The following TTLL5 variants were observed in gnomAD, a reference collection of about 807,000 sequenced individuals.
TTLL5 encodes the protein tubulin tyrosine ligase like 5.
In TTLL5, 132 loss-of-function variants were observed where a neutral mutation model predicts 168.4. The ratio of observed to expected loss-of-function variants is 0.78; its 90% CI spans 0.68 to 0.91. TTLL5 has a LOEUF of 0.91. TTLL5 is among the 40% of genes least tolerant of loss of function. TTLL5 has a pLI of 0.00. For missense variants in TTLL5, 1,545 were observed against 1,581.5 expected (o/e 0.98, Z 0.39); for synonymous variants, 546 against 558.6 (o/e 0.98, Z 0.32).
chr14:75,717,901 C>G lies in TTLL5; in HGVS notation c.781C>G (p.Arg261Gly). ...VRYDQGAKNI[R>G]NQFMHLTNYS... ...ATATGATCAAGGAGCCAAGAACATT[C>G]GGAACCAGTTCATGCATCTGACAAA... Residue 261 changes from arginine (R) to glycine (G), a missense_variant, in exon 10 of 32, where the codon CGG becomes GGG. Coordinates refer to ENST00000298832, the MANE Select transcript of TTLL5 (RefSeq NM_015072.5). The G allele has an allele frequency of 6.2e-7, 1 of 1,613,792 alleles. No homozygotes were observed. The highest frequency in any genetic ancestry group is 8.5e-7 in the Non-Finnish European group (1 of 1,179,890).
intron 20 of TTLL5, among the ~76,000 whole-genome samples, chr14:75,771,269 A>G (rs1013255837): frequency 6.6e-6 from 1 of 152,200 alleles, no homozygotes; most frequent in African/African-American, 2.4e-5. Flanking sequence ...TCTACTAAAA[A>G]TACAAAAATT....
intron 31 of TTLL5, chr14:75,904,293 A>G: frequency 9.5e-7 from 1 of 1,056,820 alleles, no homozygotes; most frequent in Non-Finnish European, 1.2e-6. Context: ...TGGGATTGTT[A>G]TGAACTGCGA....
chr14:75,819,954 A>T, intron 27 of TTLL5, 53 bp from the exon 28 acceptor site: 1 of 1,540,610 alleles, frequency 6.5e-7, no homozygotes, highest in Non-Finnish European at 8.7e-7. Context: ...GTTGTTAATG[A>T]TGCTTTTTAA....
At chr14:75,856,286 C>T (rs1897119990) in intron 28 of TTLL5, among the ~76,000 whole-genome samples, 1 of 152,112 alleles carries the variant, frequency 6.6e-6, no homozygotes, top group South Asian at 2.1e-4. Flanking sequence ...TTGCTTAAAC[C>T]CAGGAGGCGG....
intron 31 of TTLL5, among the ~76,000 whole-genome samples, chr14:75,944,383 T>C (rs753446478): frequency 2.2e-4 from 34 of 152,082 alleles, no homozygotes; most frequent in Admixed American, 2.6e-4. Flanking sequence ...TGCCCATCAG[T>C]GGAACAAACA....
intron 28 of TTLL5, chr14:75,837,496 A>G (rs759068172): frequency 6.6e-6 from 1 of 152,202 alleles, no homozygotes; most frequent in African/African-American, 2.4e-5. Flanking sequence ...GTTCAATAGC[A>G]TTAAGTACAT....
At chr14:75,697,579 T>C (rs1885961046) in intron 6 of TTLL5, among the ~76,000 whole-genome samples, 1 of 152,148 alleles carries the variant, frequency 6.6e-6, no homozygotes, top group Non-Finnish European at 1.5e-5. Flanking sequence ...AGAGACTGGC[T>C]CATGTCAGAG....
chr14:75,735,369 C>G (rs1180070239), intron 15 of TTLL5, 80 bp downstream of exon 15: 33 of 1,382,442 alleles, frequency 2.4e-5, no homozygotes, highest in Non-Finnish European at 3.4e-5. Context: ...AGCAGAAGCA[C>G]TGTGGGTATG....
intron 31 of TTLL5, among the ~76,000 whole-genome samples, chr14:75,947,065 C>T (rs965867938): frequency 1.2e-4 from 19 of 152,272 alleles, no homozygotes; most frequent in South Asian, 4.1e-4. Context: ...GAGGACTTGG[C>T]GCTTGTCTTC....
intron 9 of TTLL5, among the ~76,000 whole-genome samples, chr14:75,715,919 A>G (rs958660806): frequency 6.6e-6 from 1 of 152,006 alleles, no homozygotes; most frequent in African/African-American, 2.4e-5. Flanking sequence ...TTTCATGTTG[A>G]CCAAGTTAGA....
At chr14:75,814,702 C>T (rs1043837362) in intron 27 of TTLL5, 1 of 152,156 alleles carries the variant, frequency 6.6e-6, no homozygotes, top group Non-Finnish European at 1.5e-5. Context: ...TTAATTTAAT[C>T]TAGAGATAAT....
chr14:75,872,204 AT>A (rs1314777323), intron 29 of TTLL5, among the ~76,000 whole-genome samples: 2 of 152,042 alleles, frequency 1.3e-5, no homozygotes, highest in Non-Finnish European at 2.9e-5. Context: ...ACAGACAATA[AT>A]TTTTTTTCAA....
At chr14:75,759,401 C>T (rs896015496) in intron 18 of TTLL5, among the ~76,000 whole-genome samples, 3 of 152,006 alleles carry the variant, frequency 2.0e-5, no homozygotes, top group African/African-American at 4.8e-5. Flanking sequence ...AAAAACTTTC[C>T]TATAGAGAAA....
Position 75,789,062 on chromosome 14 carries a change from A to G in TTLL5, c.2987-3854A>G, listed in dbSNP as rs188620578. Among the ~76,000 whole-genome samples, 329 of 152,254 alleles carry G rather than the reference A, an allele frequency of 2.2e-3. 2 individuals carry two copies. Among genetic ancestry groups the G allele is most frequent in the African/African-American group, 7.3e-3 (305 of 41,564 alleles). ...AATTCTGCACTCATTCATGATGATAACTCTCAGCTCATTAGGAAGAGAAGG... is the reference window on the plus strand; with the variant it reads ...AATTCTGCACTCATTCATGATGATAGCTCTCAGCTCATTAGGAAGAGAAGG... On this transcript the variant is annotated intron_variant, in intron 26 of 31. Coordinates refer to ENST00000298832, the MANE Select transcript of TTLL5 (RefSeq NM_015072.5).
rs537861285 is a variant in TTLL5 at position 75,850,243 on chromosome 14, C to T, written c.3327-13424C>T. Reference sequence around the variant, plus strand: ...CCAAAATGGAGAAACCCCGTCTCTACTAAAAATACAAAATTATCCGGGCAT... The same window carrying T: ...CCAAAATGGAGAAACCCCGTCTCTATTAAAAATACAAAATTATCCGGGCAT... On this transcript the variant is annotated intron_variant, in intron 28 of 31. Coordinates refer to ENST00000298832, the MANE Select transcript of TTLL5 (RefSeq NM_015072.5). Among the ~76,000 whole-genome samples the T allele has an allele frequency of 2.6e-5, 4 of 151,500 alleles. No individual in the cohort carries two copies. In the East Asian group the frequency reaches 7.8e-4, roughly 29 times the overall value.
intron 29 of TTLL5, among the ~76,000 whole-genome samples, chr14:75,876,227 C>G (rs1473483646): frequency 6.6e-6 from 1 of 152,220 alleles, no homozygotes; most frequent in Non-Finnish European, 1.5e-5. Flanking sequence ...GTCATAGCTA[C>G]ACTGTGCTGG....
chr14:75,930,591 T>C (rs2034243359), intron 31 of TTLL5: 1 of 985,142 alleles, frequency 1.0e-6, no homozygotes. Context: ...TCTACTGACG[T>C]TTCTTGCAGA....
chr14:75,915,311 G>A (rs146157371), intron 31 of TTLL5, among the ~76,000 whole-genome samples: 19 of 152,272 alleles, frequency 1.2e-4, no homozygotes, highest in African/African-American at 4.6e-4. Flanking sequence ...CATGGTTCCG[G>A]AGTCATATGT....
intron 8 of TTLL5, 63 bp from the exon 9 acceptor site, chr14:75,707,560 A>G: frequency 6.8e-7 from 1 of 1,464,030 alleles, no homozygotes; most frequent in Non-Finnish European, 9.4e-7. Context: ...TTCGTTGTTT[A>G]TTCTGTAACA....
Sources: allele counts gnomAD v4.1 joint callset (sites outside exome capture counted in the v4.1 genomes callset), GRCh38; gene constraint gnomAD v4.1.1; transcripts MANE v1.5; gene names NCBI Gene and HGNC (gene_info 2026-07-23, HGNC 2026-07-21).